The following CTNNA3 variants were observed in gnomAD, a reference collection of about 807,000 sequenced individuals.
The protein encoded by CTNNA3 is catenin alpha 3, also known as catenin alpha-3.
A neutral mutation model predicts 95.7 loss-of-function variants in CTNNA3; 76 were observed. The ratio of observed to expected loss-of-function variants is 0.79; its 90% CI spans 0.66 to 0.96. The LOEUF is 0.96. Ranked by LOEUF, CTNNA3 falls within the 40% of genes least tolerant of loss-of-function variation. CTNNA3 has a pLI of 0.00. For missense variants in CTNNA3, 1,191 were observed against 1,089.8 expected (o/e 1.09, Z -1.31); for synonymous variants, 431 against 374.4 (o/e 1.15, Z -1.74).
chr10:66,779,446 T>C (rs555006967), intron 7 of CTNNA3, among the ~76,000 whole-genome samples: 1 of 152,246 alleles, frequency 6.6e-6, no homozygotes, highest in South Asian at 2.1e-4. Flanking sequence ...AACCTATGCC[T>C]CCTGGGTTCA....
intron 5 of CTNNA3, among the ~76,000 whole-genome samples, chr10:67,375,455 A>G (rs1332000827): frequency 6.6e-6 from 1 of 152,134 alleles, no homozygotes; most frequent in Non-Finnish European, 1.5e-5. Context: ...AAAATACAAA[A>G]AAATTAGCCT....
chr10:66,519,679 A>G (rs1015350047), intron 11 of CTNNA3, among the ~76,000 whole-genome samples: 1 of 152,068 alleles, frequency 6.6e-6, no homozygotes, highest in East Asian at 1.9e-4. Context: ...TTTTGCTTCA[A>G]TTTGTTCCAC....
intron 5 of CTNNA3, among the ~76,000 whole-genome samples, chr10:67,381,609 A>G (rs1843950769): frequency 6.6e-6 from 1 of 152,054 alleles, no homozygotes; most frequent in East Asian, 1.9e-4. Flanking sequence ...CCCTCCCCTG[A>G]CCCTCTTTCA....
chr10:66,564,033 C>G (rs921355712), intron 10 of CTNNA3, among the ~76,000 whole-genome samples: 4 of 152,082 alleles, frequency 2.6e-5, no homozygotes, highest in Admixed American at 2.0e-4. Context: ...CACATGTTGT[C>G]AGGACCTCCT....
chr10:66,551,695 A>T (rs947475429), intron 10 of CTNNA3, among the ~76,000 whole-genome samples: 2 of 151,986 alleles, frequency 1.3e-5, no homozygotes, highest in African/African-American at 4.8e-5. Context: ...AAGAATGTTG[A>T]TATTTTTATT....
chr10:67,615,479 C>T (rs1843621099), intron 2 of CTNNA3, among the ~76,000 whole-genome samples: 1 of 152,196 alleles, frequency 6.6e-6, no homozygotes, highest in South Asian at 2.1e-4. Context: ...CTAGTTTTCA[C>T]TTAACCACTT....
intron 13 of CTNNA3, among the ~76,000 whole-genome samples, chr10:66,237,089 C>G (rs1329846610): frequency 6.6e-6 from 1 of 152,064 alleles, no homozygotes; most frequent in Non-Finnish European, 1.5e-5. Context: ...ATGATCACAC[C>G]ACTGCAACAG....
intron 7 of CTNNA3, among the ~76,000 whole-genome samples, chr10:66,803,233 C>T (rs1300467879): frequency 1.3e-5 from 2 of 151,944 alleles, no homozygotes; most frequent in African/African-American, 4.8e-5. Context: ...ATTTGTGTCT[C>T]TTTTCCTACC....
chr10:67,446,809 C>A (rs539232240), intron 5 of CTNNA3, among the ~76,000 whole-genome samples: 47 of 152,046 alleles, frequency 3.1e-4, no homozygotes, highest in African/African-American at 1.1e-3. Context: ...TTCCACATTG[C>A]AAAACTACAT....
intron 5 of CTNNA3, among the ~76,000 whole-genome samples, chr10:67,314,028 CACAG>C (rs1369558698): frequency 6.6e-6 from 1 of 152,120 alleles, no homozygotes; most frequent in African/African-American, 2.4e-5. Context: ...GAGAATGTCA[CACAG>C]ACAGAACCTG....
chr10:67,348,555 G>A lies in CTNNA3; in HGVS notation c.580-128685C>T, dbSNP rs114927005. On this transcript the variant is annotated intron_variant, in intron 5 of 17. Transcript: ENST00000433211. ...GCCTCAAGAAGCTTCCAACAATGGT[G>A]GAAGGGAAAGGGGGAGCCTGCGTTT... Among the ~76,000 whole-genome samples, 1,214 of 152,216 alleles carry A rather than the reference G, an allele frequency of 8.0e-3. 26 individuals carry two copies. The highest frequency in any genetic ancestry group is 0.028 in the African/African-American group (1,147 of 41,528).
intron 5 of CTNNA3, among the ~76,000 whole-genome samples, chr10:67,492,122 G>A (rs1848669381): frequency 6.6e-6 from 1 of 151,996 alleles, no homozygotes; most frequent in Non-Finnish European, 1.5e-5. Flanking sequence ...TACAGAGGGT[G>A]TAGGGGAAAG....
intron 15 of CTNNA3, among the ~76,000 whole-genome samples, chr10:66,066,173 T>A (rs1276515477): frequency 1.3e-5 from 2 of 152,156 alleles, no homozygotes; most frequent in Admixed American, 6.6e-5. Flanking sequence ...ACCAAGATGA[T>A]ATTATAATAT....
At chr10:65,956,175 T>C (rs902223900) in intron 17 of CTNNA3, among the ~76,000 whole-genome samples, 1 of 152,224 alleles carries the variant, frequency 6.6e-6, no homozygotes, top group Non-Finnish European at 1.5e-5. Context: ...TTTATTTGTG[T>C]AGAGGTGTTT....
chr10:66,600,691 A>T (rs532450645), intron 10 of CTNNA3, among the ~76,000 whole-genome samples: 1 of 151,880 alleles, frequency 6.6e-6, no homozygotes, highest in South Asian at 2.1e-4. Flanking sequence ...GAAATTGTAA[A>T]GCCTGTTTTA....
At chr10:67,198,365 T>C (rs1335002527) in intron 6 of CTNNA3, among the ~76,000 whole-genome samples, 1 of 152,142 alleles carries the variant, frequency 6.6e-6, no homozygotes, top group Non-Finnish European at 1.5e-5. Flanking sequence ...GGTCTTACTT[T>C]ATCAGGTCCT....
chr10:67,242,120 C>T (rs10997591), intron 5 of CTNNA3, among the ~76,000 whole-genome samples: 75,838 of 152,050 alleles, frequency 0.5, 22,532 homozygotes, highest in African/African-American at 0.85. Flanking sequence ...TGACAAAGAA[C>T]TGTTGTAACT....
intron 11 of CTNNA3, among the ~76,000 whole-genome samples, chr10:66,447,788 A>G (rs1438290723): frequency 6.6e-6 from 1 of 151,992 alleles, no homozygotes; most frequent in African/African-American, 2.4e-5. Flanking sequence ...TGTCTAAAAC[A>G]CCAAAAGCAA....
intron 13 of CTNNA3, among the ~76,000 whole-genome samples, chr10:66,106,207 CAA>C (rs532405373): frequency 3.7e-5 from 4 of 108,710 alleles, no homozygotes; most frequent in Non-Finnish European, 1.9e-5. Context: ...AACTCCATCT[CAA>C]AAAAAAAAAA....
Sources: gnomAD v4.1 joint callset for allele counts (sites outside exome capture counted in the v4.1 genomes callset) on GRCh38, gnomAD v4.1.1 for gene constraint, MANE v1.5 for transcripts, NCBI Gene and HGNC (gene_info 2026-07-23, HGNC 2026-07-21) for gene names.